The following KCNH3 variants were observed in gnomAD, a reference collection of about 807,000 sequenced individuals.
KCNH3 encodes potassium voltage-gated channel subfamily H member 3.
A neutral mutation model predicts 95.6 loss-of-function variants in KCNH3; 36 were observed. That is an observed-to-expected ratio of 0.38 (90% CI 0.29 to 0.50). The LOEUF (loss-of-function observed/expected upper bound fraction) is 0.50, where lower values mean the gene tolerates loss of function less well. Among genes scored for constraint, KCNH3 ranks in the 20% least tolerant of loss-of-function variants. The pLI is 0.95. For synonymous variants in KCNH3, 620 were observed against 646.3 expected (o/e 0.96, Z 0.62); for missense variants, 1,030 against 1,484.1 (o/e 0.69, Z 5.03).
At chr12:49,554,056 C>T (rs1938349628) in intron 10 of KCNH3, among the ~76,000 whole-genome samples, 1 of 152,242 alleles carries the variant, frequency 6.6e-6, no homozygotes, top group South Asian at 2.1e-4. Flanking sequence ...TCTCTCAGGG[C>T]TATAATTCAG....
At chr12:49,549,263 G>T (rs992310039) in intron 8 of KCNH3, 90 bp downstream of exon 8, 3 of 1,485,912 alleles carry the variant, frequency 2.0e-6, no homozygotes. Context: ...GCCTGAGGCC[G>T]GGGGCTCTTC....
At position 49,557,638 on chromosome 12, in the gene KCNH3, C is replaced by T. The variant is rs1938521930; in HGVS notation, c.2937C>T (p.Pro979=). 1 of 1,613,558 alleles carries T rather than the reference C, an allele frequency of 6.2e-7. No individual in the cohort carries two copies. Among genetic ancestry groups the T allele is most frequent in the Non-Finnish European group, 8.5e-7 (1 of 1,179,908 alleles). Reference sequence around the variant, plus strand: ...TCATGGCACCCTGGCCCTGGGGTCCCCCAGCGTCTCAGAGCTCCCCCTGGC... The same window carrying T: ...TCATGGCACCCTGGCCCTGGGGTCCTCCAGCGTCTCAGAGCTCCCCCTGGC... The part of the protein sequence containing the change: ...PPLMAPWPWG[P]PASQSSPWPR... Residue 979 remains proline, a synonymous_variant, in exon 15 of 15, where the codon CCC becomes CCT. Coordinates refer to ENST00000257981, the MANE Select transcript of KCNH3 (RefSeq NM_012284.3).
chr12:49,540,784 A>T, intron 1 of KCNH3, 115 bp from the exon 2 acceptor site: 1 of 759,226 alleles, frequency 1.3e-6, no homozygotes, highest in Admixed American at 2.2e-5. Context: ...TAACACACGC[A>T]GGATTCCTGG....
chr12:49,543,058 C>A (rs1937929656), intron 4 of KCNH3, among the ~76,000 whole-genome samples: 1 of 152,176 alleles, frequency 6.6e-6, no homozygotes, highest in South Asian at 2.1e-4. Context: ...CCTGGCTCCT[C>A]CCCTAAGCAG....
rs1360866803 is a variant in KCNH3, at chr12:49,539,047, C to G, written c.-370C>G. ...AGGGAGGGAGGCTGCAGCTTCTCCC[C>G]GACAGACGGAGGGAGCTGCCGAGAG... On this transcript the variant is annotated 5_prime_UTR_variant, in exon 1 of 15. Coordinates refer to ENST00000257981, the MANE Select transcript of KCNH3 (RefSeq NM_012284.3). This position sits in a 1 kb window ranked among gnomAD's most constrained non-coding sequence, Gnocchi z 6.7. 2 of 152,222 alleles carry G rather than the reference C, an allele frequency of 1.3e-5. No individual in the cohort carries two copies. Among genetic ancestry groups the G allele is most frequent in the Non-Finnish European group, 2.9e-5 (2 of 68,088 alleles). The allele number at this position is 152,222 out of a possible 1,614,324, so 9.4% of individuals were successfully genotyped here.
rs559932005 is a variant in KCNH3, at chr12:49,549,881, G to A, written c.1669-199G>A. 4.1e-4 allele frequency among the ~76,000 whole-genome samples: 63 copies of A among 152,324 alleles called. 3 individuals are homozygous for A. The South Asian group carries it at 6.8e-3, about 17-fold the overall frequency. ...GGTGGGAAGCTGGGCTGCTCTGGGC[G>A]CTAAAGTGATTGAGAGGGAGGTGGA... On this transcript the variant is annotated intron_variant, in intron 9 of 14. Coordinates refer to ENST00000257981, the MANE Select transcript of KCNH3 (RefSeq NM_012284.3).
At chr12:49,554,695 CCT>C (rs1938373154) in intron 11 of KCNH3, 141 bp downstream of exon 11, 3 of 704,206 alleles carry the variant, frequency 4.3e-6, no homozygotes, top group South Asian at 3.5e-5. Flanking sequence ...GGGTCTACAC[CCT>C]CTCTGCCCTT....
intron 8 of KCNH3, 55 bp downstream of exon 8, chr12:49,549,228 G>A: frequency 6.5e-7 from 1 of 1,529,960 alleles, no homozygotes; most frequent in Non-Finnish European, 8.8e-7. Flanking sequence ...CTGCCCGCAG[G>A]CGGCGCCGTC....
At position 49,540,939 on chromosome 12, in the gene KCNH3, C is replaced by T. The variant is rs1408724236; in HGVS notation, c.117C>T (p.Leu39=). The part of the protein sequence containing the change: ...FVLGNAQVAG[L]FPVVYCSDGF... ...TGGGCAACGCCCAGGTGGCGGGGCTCTTCCCCGTGGTCTACTGCTCTGATG... is the reference window on the plus strand; with the variant it reads ...TGGGCAACGCCCAGGTGGCGGGGCTTTTCCCCGTGGTCTACTGCTCTGATG... The change falls in exon 2 of 15, where the codon CTC becomes CTT. Residue 39 remains leucine, a synonymous_variant. Transcript: ENST00000257981. The T allele has an allele frequency of 1.9e-6, 3 of 1,614,224 alleles. No individual in the cohort carries two copies. The highest frequency in any genetic ancestry group is 1.7e-6 in the Non-Finnish European group (2 of 1,180,040).
Position 49,539,310 on chromosome 12 carries a change from G to A in KCNH3, c.-107G>A. On this transcript the variant is annotated 5_prime_UTR_variant, in exon 1 of 15. Coordinates refer to ENST00000257981, the MANE Select transcript of KCNH3 (RefSeq NM_012284.3). The surrounding 1 kb of genome is among the most constrained non-coding windows in gnomAD (Gnocchi z 6.7). ...CTGCGCATTGCCCCCCGACGGCTGC[G>A]CTAGGGAGCGCGGGGCCCGGCGGGG... is the stretch of plus-strand genomic sequence containing the variant. The A allele has an allele frequency of 1.7e-6, 1 of 584,062 alleles. No homozygotes were observed. Among genetic ancestry groups the A allele is most frequent in the Non-Finnish European group, 2.5e-6 (1 of 399,402 alleles). The allele number at this position is 584,062 out of a possible 1,614,324, so 36.2% of individuals were successfully genotyped here. A position where few individuals can be genotyped will look rare whatever the true frequency, so the allele number is the denominator to read the frequency against.
chr12:49,543,881 C>A, intron 5 of KCNH3, 34 bp from the exon 6 acceptor site: 1 of 1,588,574 alleles, frequency 6.3e-7, no homozygotes, highest in Non-Finnish European at 8.6e-7. Flanking sequence ...GCCCCCCCAG[C>A]CCCAGTGCTG....
At position 49,557,926 on chromosome 12, in the gene KCNH3, G is replaced by C; in HGVS notation, c.3225G>C (p.Trp1075Cys). 1 of 1,510,694 alleles carries C rather than the reference G, an allele frequency of 6.6e-7. No homozygotes were observed. The highest frequency in any genetic ancestry group is 1.3e-5 in the South Asian group (1 of 74,374). 93.6% of individuals were successfully genotyped at this position (1,510,694 alleles called of 1,614,324 possible). ...IGCHGSGTVQWTQEEGTGV is the reference protein window; with the variant it reads ...IGCHGSGTVQCTQEEGTGV ...GCCATGGCTCTGGCACAGTCCAGTGGACCCAGGAAGAAGGCACAGGGGTCT... is the reference window on the plus strand; with the variant it reads ...GCCATGGCTCTGGCACAGTCCAGTGCACCCAGGAAGAAGGCACAGGGGTCT... Residue 1075 changes from tryptophan to cysteine, a missense_variant, in exon 15 of 15, where the codon TGG becomes TGC. By Grantham distance (215) the Trp-to-Cys change is radical. This residue lies in a region of KCNH3 where 464 missense variants were observed against 493.2 expected (regional missense o/e 0.94). Transcript: ENST00000257981.
intron 10 of KCNH3, among the ~76,000 whole-genome samples, chr12:49,554,119 A>T (rs947582082): frequency 2.6e-5 from 4 of 152,244 alleles, no homozygotes; most frequent in Non-Finnish European, 4.4e-5. Flanking sequence ...CCTGGGTCAC[A>T]GAGCTCTTTA....
In KCNH3 at chr12:49,555,793, A is replaced by G; in HGVS notation, c.2310A>G (p.Pro770=). 1 of 1,613,452 alleles carries G rather than the reference A, an allele frequency of 6.2e-7. No individual in the cohort carries two copies. The highest frequency in any genetic ancestry group is 1.1e-5 in the South Asian group (1 of 91,034). Residue 770 remains proline (P), a synonymous_variant, in exon 12 of 15, where the codon CCA becomes CCG. Coordinates refer to ENST00000257981, the MANE Select transcript of KCNH3 (RefSeq NM_012284.3). ...CCTCAGCTGCCAAGCTGCTATCCCCACGTCGAACAGCACCCCGGCCTCGTC... is the reference window on the plus strand; with the variant it reads ...CCTCAGCTGCCAAGCTGCTATCCCCGCGTCGAACAGCACCCCGGCCTCGTC... ...SSSSAAKLLS[P]RRTAPRPRLG...
chr12:49,540,844 G>A (rs1937846186), intron 1 of KCNH3, 55 bp from the exon 2 acceptor site: 28 of 1,426,868 alleles, frequency 2.0e-5, no homozygotes, highest in Non-Finnish European at 2.7e-5. Context: ...AAGGAGGGGT[G>A]GTAGGCCTCC....
intron 10 of KCNH3, among the ~76,000 whole-genome samples, chr12:49,551,481 CAGA>C (rs771379258): frequency 1.4e-5 from 2 of 142,858 alleles, no homozygotes; most frequent in African/African-American, 2.6e-5. Context: ...GAGGCTGAGG[CAGA>C]AGAATTGCTT....
chr12:49,550,516 G>C (rs964274516), intron 10 of KCNH3, among the ~76,000 whole-genome samples, 187 bp downstream of exon 10: 2 of 152,234 alleles, frequency 1.3e-5, no homozygotes, highest in Non-Finnish European at 1.5e-5. Context: ...AGGTGGCAGC[G>C]TAAGTAGGTG....
At chr12:49,555,478 A>G (rs917201773) in intron 11 of KCNH3, 142 bp from the exon 12 acceptor site, 6 of 481,680 alleles carry the variant, frequency 1.2e-5, no homozygotes, top group Middle Eastern at 5.4e-4. Flanking sequence ...TATCATCTAT[A>G]GGACCTTCAG....
At position 49,550,176 on chromosome 12, in the gene KCNH3, G is replaced by A. The variant is rs1297178232; in HGVS notation, c.1765G>A (p.Gly589Ser). The change falls in exon 10 of 15, where the codon GGC becomes AGC. Residue 589 changes from glycine to serine, a missense_variant. Physicochemically the swap from Gly to Ser is moderately conservative, Grantham distance 56. This residue lies in a region of KCNH3 where 160 missense variants were observed against 316.2 expected (regional missense o/e 0.51). Coordinates refer to ENST00000257981, the MANE Select transcript of KCNH3 (RefSeq NM_012284.3). ...QLPLFEAASR[G>S]CLRALSLALR... ...GCCACTGTTTGAGGCGGCCAGCCGCGGCTGCCTGCGGGCACTGTCTCTGGC... is the reference window on the plus strand; with the variant it reads ...GCCACTGTTTGAGGCGGCCAGCCGCAGCTGCCTGCGGGCACTGTCTCTGGC... The A allele has an allele frequency of 6.2e-7, 1 of 1,609,346 alleles. No individual in the cohort carries two copies. Among genetic ancestry groups the A allele is most frequent in the South Asian group, 1.1e-5 (1 of 91,046 alleles).
Sources: allele counts gnomAD v4.1 joint callset (sites outside exome capture counted in the v4.1 genomes callset), GRCh38; gene constraint gnomAD v4.1.1; regional missense constraint gnomAD v4.1.1; non-coding constraint Gnocchi (gnomAD v3.1); transcripts MANE v1.5; gene names NCBI Gene and HGNC (gene_info 2026-07-23, HGNC 2026-07-21).